Variants in RAD23A observed in about 807,000 individuals in gnomAD.
The protein encoded by RAD23A is RAD23 nucleotide excision repair protein A, also known as lysine-specific demethylase RAD23A.
RAD23A carries 16 observed loss-of-function variants against 44.8 expected under a neutral mutation model. The observed-to-expected ratio is 0.36, with a 90% confidence interval of 0.24 to 0.54. RAD23A has a LOEUF of 0.54. RAD23A is among the 20% of genes least tolerant of loss of function. The pLI, the probability that RAD23A is intolerant of heterozygous loss-of-function variation, is 0.89. For synonymous variants in RAD23A, 217 were observed against 202.9 expected (o/e 1.07, Z -0.59); for missense variants, 380 against 483.3 (o/e 0.79, Z 2.00).
intron 1 of RAD23A, among the ~76,000 whole-genome samples, 167 bp downstream of exon 1, chr19:12,946,187 C>G (rs1225176622): frequency 6.6e-6 from 1 of 152,204 alleles, no homozygotes; most frequent in South Asian, 2.1e-4. Context: ...GGTCTTTGGC[C>G]CAGCCCCCAG....
At chr19:12,946,935 C>T (rs1037328394) in intron 1 of RAD23A, among the ~76,000 whole-genome samples, 3 of 152,214 alleles carry the variant, frequency 2.0e-5, no homozygotes, top group Non-Finnish European at 2.9e-5. Context: ...CGCCTGCTGG[C>T]TTCCGCCTGT....
chr19:12,952,784 C>T lies in RAD23A; in HGVS notation c.909C>T (p.Ala303=). 6.2e-7 allele frequency: 1 copy of T among 1,612,938 alleles called. No homozygotes were observed. The highest frequency in any genetic ancestry group is 1.1e-5 in the South Asian group (1 of 90,964). ...DISDVEGEVG[A]IGEEAPQMNY... Reference sequence around the variant, plus strand: ...CAGATGTGGAGGGGGAGGTGGGCGCCATAGGAGAGGAGGCCCCGCAGATGA... The same window carrying T: ...CAGATGTGGAGGGGGAGGTGGGCGCTATAGGAGAGGAGGCCCCGCAGATGA... The change falls in exon 8 of 9, where the codon GCC becomes GCT. Residue 303 remains alanine, a synonymous_variant. Coordinates refer to ENST00000586534, the MANE Select transcript of RAD23A (RefSeq NM_005053.4).
At position 12,949,151 on chromosome 19, in the gene RAD23A, C is replaced by A; in HGVS notation, c.671C>A (p.Thr224Lys). ...QESQVSEQPA[T>K]EAAGENPLEF... The stretch of plus-strand genomic sequence containing the variant: ...AGCCAGGTATCGGAGCAGCCGGCCA[C>A]GGAAGCAGGTGGGTGTGCACATGCC... The change falls in exon 6 of 9, where the codon ACG becomes AAG. Residue 224 changes from threonine to lysine, a missense_variant. This residue lies in a region of RAD23A where 279 missense variants were observed against 313.7 expected (regional missense o/e 0.89). Transcript: ENST00000586534. 1 of 1,614,060 alleles carries A rather than the reference C, an allele frequency of 6.2e-7. No homozygotes were observed. The highest frequency in any genetic ancestry group is 8.5e-7 in the Non-Finnish European group (1 of 1,179,944).
At chr19:12,952,889 C>T (rs1599671708) in intron 8 of RAD23A, 36 bp downstream of exon 8, 1 of 1,606,220 alleles carries the variant, frequency 6.2e-7, no homozygotes, top group East Asian at 2.2e-5. Flanking sequence ...TGCAGGTGGG[C>T]AGGACCCCTA....
chr19:12,950,356 G>T (rs891965731), intron 7 of RAD23A, among the ~76,000 whole-genome samples: 3 of 151,832 alleles, frequency 2.0e-5, no homozygotes, highest in African/African-American at 7.2e-5. Flanking sequence ...CCACTGCATA[G>T]TCCCACAGTC....
chr19:12,948,222 A>C lies in RAD23A; in HGVS notation c.280A>C (p.Thr94Pro). 6.2e-7 allele frequency: 1 copy of C among 1,614,034 alleles called. No individual in the cohort carries two copies. Among genetic ancestry groups the C allele is most frequent in the African/African-American group, 1.3e-5 (1 of 74,996 alleles). Residue 94 changes from threonine (T) to proline (P), a missense_variant, in exon 3 of 9, where the codon ACA (threonine) becomes CCA (proline). By Grantham distance (38) the Thr-to-Pro change is conservative (BLOSUM62 -1). Coordinates refer to ENST00000586534, the MANE Select transcript of RAD23A (RefSeq NM_005053.4). This position sits in a 1 kb window ranked among gnomAD's most constrained non-coding sequence, Gnocchi z 5.5. ...GTSAPPEASP[T>P]AAPESSTSFP... Reference sequence around the variant, plus strand: ...CTCAGCACCCCCAGAGGCCTCACCCACAGCTGCCCCAGAGTCCTCTACATC... The same window carrying C: ...CTCAGCACCCCCAGAGGCCTCACCCCCAGCTGCCCCAGAGTCCTCTACATC...
rs1971728281 is a variant in RAD23A at position 12,948,674 on chromosome 19, C to T, written c.473-12C>T. 2 of 1,608,712 alleles carry T rather than the reference C, an allele frequency of 1.2e-6. No homozygotes were observed. Among genetic ancestry groups the T allele is most frequent in the African/African-American group, 1.3e-5 (1 of 74,832 alleles). ...CTTCCTGGTGACCTAGGCTTTGCTG[C>T]TTCCTCCACAGTGACGGGCTCTGAG... On this transcript the variant is annotated splice_polypyrimidine_tract_variant and intron_variant, in intron 4 of 8. Transcript: ENST00000586534. This position sits in a 1 kb window ranked among gnomAD's most constrained non-coding sequence, Gnocchi z 5.5.
chr19:12,946,063 C>CGGGGG, intron 1 of RAD23A, 43 bp downstream of exon 1: 1 of 87,234 alleles, frequency 1.1e-5, no homozygotes, highest in Admixed American at 2.6e-4. Context: ...CGACGGGTTT[C>CGGGGG]GGGGGTGGGG....
At chr19:12,947,699 A>G (rs1423062501) in intron 1 of RAD23A, 149 bp from the exon 2 acceptor site, 1 of 718,654 alleles carries the variant, frequency 1.4e-6, no homozygotes, top group East Asian at 2.5e-5. Context: ...GAATGAATTC[A>G]AATCTAGCAT....
rs369639252 is a variant in RAD23A at position 12,949,330 on chromosome 19, G to T, written c.735G>T (p.Arg245=). The change falls in exon 7 of 9, where the codon CGG becomes CGT. Residue 245 remains arginine (R), a synonymous_variant. Transcript: ENST00000586534. The part of the protein sequence containing the change: ...LRDQPQFQNM[R]QVIQQNPALL... ...ACCAGCCCCAGTTCCAGAACATGCG[G>T]CAGGTGATTCAGCAGAACCCTGCGC... 1 of 1,614,030 alleles carries T rather than the reference G, an allele frequency of 6.2e-7. No individual in the cohort carries two copies. The highest frequency in any genetic ancestry group is 1.3e-5 in the African/African-American group (1 of 74,928).
At position 12,952,746 on chromosome 19, in the gene RAD23A, C is replaced by G. The variant is rs1344742558; in HGVS notation, c.871C>G (p.Leu291Val). ...GATGCTGAACGAGCCCCCTGGGGAG[C>G]TGGCGGACATCTCAGATGTGGAGGG... ...IQMLNEPPGE[L>V]ADISDVEGEV... Residue 291 changes from leucine to valine, a missense_variant, in exon 8 of 9, where the codon CTG (leucine) becomes GTG (valine). By Grantham distance (32) the Leu-to-Val change is conservative (BLOSUM62 1). This residue lies in a region of RAD23A where 279 missense variants were observed against 313.7 expected (regional missense o/e 0.89). Coordinates refer to ENST00000586534, the MANE Select transcript of RAD23A (RefSeq NM_005053.4). 1.2e-6 allele frequency: 2 copies of G among 1,613,108 alleles called. No homozygotes were observed. Among genetic ancestry groups the G allele is most frequent in the African/African-American group, 1.3e-5 (1 of 74,854 alleles).
In RAD23A at chr19:12,952,858, G is replaced by T. The variant is rs1024234829; in HGVS notation, c.978+5G>T. 4.4e-6 allele frequency: 7 copies of T among 1,603,146 alleles called. No individual in the cohort carries two copies. The highest frequency in any genetic ancestry group is 5.1e-6 in the Non-Finnish European group (6 of 1,173,394). On this transcript the variant is annotated splice_donor_5th_base_variant and intron_variant, in intron 8 of 8. Transcript: ENST00000586534. ...GAGAAAGAAGCTATAGAGAGGGTAA[G>T]AGGCCTGGCTGAGGGGTGACTGCAG...
chr19:12,947,977 GAGA>G lies in RAD23A; in HGVS notation c.207_209del (p.Lys69del). 7 of 1,613,932 alleles carry G rather than the reference GAGA, an allele frequency of 4.3e-6. No homozygotes were observed. The highest frequency in any genetic ancestry group is 5.9e-6 in the Non-Finnish European group (7 of 1,180,026). On this transcript the variant is annotated inframe_deletion, in exon 2 of 9. Coordinates refer to ENST00000586534, the MANE Select transcript of RAD23A (RefSeq NM_005053.4). ...CCCTATCAGGGACTATCGCATCGAT[GAGA>G]AGAACTTTGTGGTCGTCATGGTGAC...
In RAD23A at chr19:12,945,888, G is replaced by T. The variant is rs534012880; in HGVS notation, c.-61G>T. ...CGGCGCGCCTGGGCGCTAAGATGGCGGCGGCGTGAGTTGCATGTTGTGTGA... is the reference window on the plus strand; with the variant it reads ...CGGCGCGCCTGGGCGCTAAGATGGCTGCGGCGTGAGTTGCATGTTGTGTGA... On this transcript the variant is annotated 5_prime_UTR_variant, in exon 1 of 9. Coordinates refer to ENST00000586534, the MANE Select transcript of RAD23A (RefSeq NM_005053.4). 1.0e-5 allele frequency: 16 copies of T among 1,558,596 alleles called. No homozygotes were observed. Among genetic ancestry groups the T allele is most frequent in the Non-Finnish European group, 1.2e-5 (14 of 1,140,924 alleles).
intron 7 of RAD23A, 93 bp from the exon 8 acceptor site, chr19:12,952,596 C>T (rs1971844411): frequency 7.2e-7 from 1 of 1,397,000 alleles, no homozygotes; most frequent in African/African-American, 1.4e-5. Flanking sequence ...GGATATTTGC[C>T]TGACTGAATG....
intron 1 of RAD23A, 64 bp downstream of exon 1, chr19:12,946,084 G>GGGGGGGGGGCC: frequency 5.9e-6 from 3 of 512,054 alleles, no homozygotes; most frequent in Non-Finnish European, 1.1e-5. Context: ...TGGGGGCGGG[G>GGGGGGGGGGCC]AGGCTAGAAT....
chr19:12,951,346 C>T (rs879350516), intron 7 of RAD23A, among the ~76,000 whole-genome samples: 1 of 152,210 alleles, frequency 6.6e-6, no homozygotes, highest in Non-Finnish European at 1.5e-5. Context: ...GTGGCTTCCC[C>T]CTGCTCTAGA....
rs1971712084 is a variant in RAD23A, at chr19:12,948,088, T to C, written c.234+79T>C. On this transcript the variant is annotated intron_variant, in intron 2 of 8. Coordinates refer to ENST00000586534, the MANE Select transcript of RAD23A (RefSeq NM_005053.4). The surrounding 1 kb of genome is among the most constrained non-coding windows in gnomAD (Gnocchi z 5.5). ...AAGAGCCTGTGTGCCCAGGAGAGATTAGCTGTGAACAGGGCGGGGCCACAG... is the reference window on the plus strand; with the variant it reads ...AAGAGCCTGTGTGCCCAGGAGAGATCAGCTGTGAACAGGGCGGGGCCACAG... 1 of 1,606,740 alleles carries C rather than the reference T, an allele frequency of 6.2e-7. No homozygotes were observed. The highest frequency in any genetic ancestry group is 1.3e-5 in the African/African-American group (1 of 74,702).
At position 12,949,309 on chromosome 19, in the gene RAD23A, G is replaced by T; in HGVS notation, c.714G>T (p.Gln238His). ...GENPLEFLRD[Q>H]PQFQNMRQVI... is the part of the protein sequence containing the mutation. ...ACCCCCTGGAGTTCCTGCGGGACCA[G>T]CCCCAGTTCCAGAACATGCGGCAGG... is the stretch of plus-strand genomic sequence containing the variant. Residue 238 changes from glutamine (Q) to histidine (H), a missense_variant, in exon 7 of 9, where the codon CAG (glutamine) becomes CAT (histidine). Physicochemically the swap from Gln to His is conservative, Grantham distance 24. Coordinates refer to ENST00000586534, the MANE Select transcript of RAD23A (RefSeq NM_005053.4). 1 of 1,614,150 alleles carries T rather than the reference G, an allele frequency of 6.2e-7. No homozygotes were observed. Among genetic ancestry groups the T allele is most frequent in the Non-Finnish European group, 8.5e-7 (1 of 1,179,990 alleles).
Sources: gnomAD v4.1 joint callset for allele counts (sites outside exome capture counted in the v4.1 genomes callset) on GRCh38, gnomAD v4.1.1 for gene constraint, gnomAD v4.1.1 regional missense constraint, Gnocchi (gnomAD v3.1) non-coding constraint, MANE v1.5 for transcripts, NCBI Gene and HGNC (gene_info 2026-07-23, HGNC 2026-07-21) for gene names.